Variants in NUDT21 observed in about 807,000 individuals in gnomAD.
The protein encoded by NUDT21 is nudix hydrolase 21, also known as cleavage and polyadenylation specificity factor subunit 5.
In NUDT21, 5 loss-of-function variants were observed where a neutral mutation model predicts 29.8. The observed-to-expected ratio is 0.17, with a 90% CI of 0.09 to 0.35. NUDT21 has a LOEUF of 0.35. Among genes scored for constraint, NUDT21 ranks in the 10% least tolerant of loss-of-function variants. The pLI, the probability that NUDT21 is intolerant of heterozygous loss-of-function variation, is 1.00. For synonymous variants in NUDT21, 113 were observed against 98.5 expected (o/e 1.15, Z -0.87); for missense variants, 76 against 276.0 (o/e 0.28, Z 5.13).
At chr16:56,444,343 G>C (rs1047384257) in intron 3 of NUDT21, among the ~76,000 whole-genome samples, 2 of 152,036 alleles carry the variant, frequency 1.3e-5, no homozygotes, top group African/African-American at 4.8e-5. Context: ...CAACACTTTG[G>C]GAGGCCAAAG....
At chr16:56,449,656 T>C (rs1962257996) in intron 1 of NUDT21, among the ~76,000 whole-genome samples, 1 of 152,186 alleles carries the variant, frequency 6.6e-6, no homozygotes, top group African/African-American at 2.4e-5. Context: ...AATTCAGTAA[T>C]CAAGACAAAA....
chr16:56,448,018 G>A (rs909653799), intron 1 of NUDT21, 29 bp from the exon 2 acceptor site: 12 of 1,572,612 alleles, frequency 7.6e-6, no homozygotes, highest in Non-Finnish European at 9.6e-6. Flanking sequence ...CATCTAACAT[G>A]AGAACTGAAG....
At position 56,432,664 on chromosome 16, in the gene NUDT21, T is replaced by C; in HGVS notation, c.*48A>G. ...ATTTATTCTACACTGTATATAGCTGTGCTCACAGAGACAAGCGGCTTCTTT... is the reference window on the plus strand; with the variant it reads ...ATTTATTCTACACTGTATATAGCTGCGCTCACAGAGACAAGCGGCTTCTTT... On this transcript the variant is annotated 3_prime_UTR_variant, in exon 7 of 7. Coordinates refer to ENST00000300291, the MANE Select transcript of NUDT21 (RefSeq NM_007006.3). 3 of 1,587,334 alleles carry C rather than the reference T, an allele frequency of 1.9e-6. No individual in the cohort carries two copies. Among genetic ancestry groups the C allele is most frequent in the Non-Finnish European group, 2.6e-6 (3 of 1,161,162 alleles).
intron 3 of NUDT21, among the ~76,000 whole-genome samples, chr16:56,446,085 T>C (rs1596957541): frequency 6.6e-6 from 1 of 152,312 alleles, no homozygotes; most frequent in East Asian, 1.9e-4. Flanking sequence ...AAATCCTCAG[T>C]ATCTATGCAT....
intron 1 of NUDT21, among the ~76,000 whole-genome samples, chr16:56,448,740 T>C (rs187440736): frequency 6.6e-6 from 1 of 152,316 alleles, no homozygotes; most frequent in East Asian, 1.9e-4. Context: ...TCTTTAAAGA[T>C]AGTTAAAAAA....
intron 1 of NUDT21, among the ~76,000 whole-genome samples, 154 bp downstream of exon 1, chr16:56,450,933 G>A (rs1221876430): frequency 6.6e-6 from 1 of 152,218 alleles, no homozygotes; most frequent in Non-Finnish European, 1.5e-5. Flanking sequence ...ATGAGAAAGG[G>A]GCCTGAGAGA....
At position 56,439,641 on chromosome 16, in the gene NUDT21, G is replaced by T. The variant is rs80005889; in HGVS notation, c.471+16C>A. 9.0e-6 allele frequency: 14 copies of T among 1,550,632 alleles called. No individual in the cohort carries two copies. Among genetic ancestry groups the T allele is most frequent in the African/African-American group, 2.7e-5 (2 of 73,738 alleles). The stretch of plus-strand genomic sequence containing the variant: ...TCTGCTTCCAAAATGCCCAGCAAAT[G>T]TAACTGAACACTGACCTGAGGAGGT... On this transcript the variant is annotated intron_variant, in intron 4 of 6. Coordinates refer to ENST00000300291, the MANE Select transcript of NUDT21 (RefSeq NM_007006.3).
At chr16:56,442,753 A>G (rs1337154912) in intron 3 of NUDT21, among the ~76,000 whole-genome samples, 1 of 152,112 alleles carries the variant, frequency 6.6e-6, no homozygotes, top group African/African-American at 2.4e-5. Context: ...CTATTTATCT[A>G]TAGTTTATAT....
chr16:56,449,474 T>C (rs1962254178), intron 1 of NUDT21, among the ~76,000 whole-genome samples: 1 of 152,214 alleles, frequency 6.6e-6, no homozygotes. Flanking sequence ...AACTTAATGT[T>C]AACTCAGGTG....
At chr16:56,450,963 G>T in intron 1 of NUDT21, 124 bp downstream of exon 1, 1 of 733,350 alleles carries the variant, frequency 1.4e-6, no homozygotes, top group Non-Finnish European at 2.3e-6. Context: ...GCGCGCATCC[G>T]CCAGCGGGAG....
intron 4 of NUDT21, among the ~76,000 whole-genome samples, chr16:56,435,423 G>A (rs1165088175): frequency 6.7e-6 from 1 of 150,328 alleles, no homozygotes; most frequent in South Asian, 2.2e-4. Flanking sequence ...CTAAAAGCTG[G>A]TTTTTTAAAA....
At chr16:56,437,248 C>A (rs575657281) in intron 4 of NUDT21, among the ~76,000 whole-genome samples, 1 of 152,250 alleles carries the variant, frequency 6.6e-6, no homozygotes, top group South Asian at 2.1e-4. Context: ...AATGCTTGAC[C>A]TGAAACATCT....
intron 2 of NUDT21, chr16:56,446,903 G>T (rs943822516): frequency 1.2e-5 from 5 of 406,378 alleles, no homozygotes; most frequent in African/African-American, 1.0e-4. Context: ...TTTCCTCTTC[G>T]TATATATTTA....
rs775295802 is a variant in NUDT21, at chr16:56,451,078, C to T, written c.116+9G>A. 4 of 1,610,284 alleles carry T rather than the reference C, an allele frequency of 2.5e-6. No individual in the cohort carries two copies. Among genetic ancestry groups the T allele is most frequent in the Non-Finnish European group, 3.4e-6 (4 of 1,176,972 alleles). ...AGAGAAATGCCCGCCAAGGCCGCGCCGCACTTACAGGTTGATGGTGCGCTC... is the reference window on the plus strand; with the variant it reads ...AGAGAAATGCCCGCCAAGGCCGCGCTGCACTTACAGGTTGATGGTGCGCTC... On this transcript the variant is annotated intron_variant, in intron 1 of 6. Coordinates refer to ENST00000300291, the MANE Select transcript of NUDT21 (RefSeq NM_007006.3).
chr16:56,444,543 A>C (rs772641608), intron 3 of NUDT21, among the ~76,000 whole-genome samples: 1 of 151,016 alleles, frequency 6.6e-6, no homozygotes, highest in South Asian at 2.1e-4. Context: ...ACCATTGCTC[A>C]CATTGGAGAT....
chr16:56,451,238 T>A lies in NUDT21; in HGVS notation c.-36A>T. The A allele has an allele frequency of 6.6e-7, 1 of 1,507,176 alleles. No individual in the cohort carries two copies. The allele number at this position is 1,507,176 out of a possible 1,614,324, so 93.4% of individuals were successfully genotyped here. A position where few individuals can be genotyped will look rare whatever the true frequency, so the allele number is the denominator to read the frequency against. On this transcript the variant is annotated 5_prime_UTR_variant, in exon 1 of 7. Transcript: ENST00000300291. ...TCCGGCGCTGACGGCGAGCAGAAAG[T>A]GGCAGGCAGGGTAGACTTTCCCCGT...
chr16:56,445,864 T>TGGGACTA (rs1962212471), intron 3 of NUDT21, among the ~76,000 whole-genome samples: 1 of 152,236 alleles, frequency 6.6e-6, no homozygotes, highest in Admixed American at 6.5e-5. Context: ...GGAAAATGTT[T>TGGGACTA]AAGAGTTATA....
chr16:56,433,554 A>T (rs1412742876), intron 6 of NUDT21, among the ~76,000 whole-genome samples: 2 of 152,072 alleles, frequency 1.3e-5, no homozygotes, highest in African/African-American at 4.8e-5. Context: ...ATTTCTTATC[A>T]CTCTAACTGC....
chr16:56,444,686 A>AGTC (rs1156882443), intron 3 of NUDT21, among the ~76,000 whole-genome samples: 1 of 151,402 alleles, frequency 6.6e-6, no homozygotes, highest in Non-Finnish European at 1.5e-5. Flanking sequence ...CAAGAGTCTG[A>AGTC]CTATTCAGAA....
Sources: gnomAD v4.1 joint callset for allele counts (sites outside exome capture counted in the v4.1 genomes callset) on GRCh38, gnomAD v4.1.1 for gene constraint, MANE v1.5 for transcripts, NCBI Gene and HGNC (gene_info 2026-07-23, HGNC 2026-07-21) for gene names.